The following IGSF9B variants were observed in gnomAD, a reference collection of about 807,000 sequenced individuals.
The protein encoded by IGSF9B is immunoglobulin superfamily member 9B, also known as protein turtle homolog B.
In IGSF9B, 48 loss-of-function variants were observed where a neutral mutation model predicts 143.7. The ratio of observed to expected loss-of-function variants is 0.33; its 90% CI spans 0.26 to 0.42. The LOEUF (loss-of-function observed/expected upper bound fraction) is 0.42, where lower values mean the gene tolerates loss of function less well. IGSF9B is among the 20% of genes least tolerant of loss of function. IGSF9B has a pLI of 1.00. For missense variants in IGSF9B, 1,706 were observed against 1,980.0 expected, an observed-to-expected ratio of 0.86 and a Z score of 2.63; for synonymous variants, 903 against 833.1, an observed-to-expected ratio of 1.08 and a Z score of -1.44.
chr11:133,950,299 G>A (rs1204616683), intron 1 of IGSF9B, among the ~76,000 whole-genome samples: 1 of 152,232 alleles, frequency 6.6e-6, no homozygotes, highest in Non-Finnish European at 1.5e-5. Context: ...AGCAGGGCCG[G>A]GCGAGCATCA....
Position 133,909,005 on chromosome 11 carries a change from C to T in IGSF9B, c.*64G>A. 2 of 1,377,250 alleles carry T rather than the reference C, an allele frequency of 1.5e-6. No homozygotes were observed. The highest frequency in any genetic ancestry group is 9.9e-7 in the Non-Finnish European group (1 of 1,007,872). The allele number at this position is 1,377,250 out of a possible 1,614,324, so 85.3% of individuals were successfully genotyped here. A position where few individuals can be genotyped will look rare whatever the true frequency, so the allele number is the denominator to read the frequency against. ...GCAGACGGAGGAGGACACACCCCCA[C>T]ACAGTGGCCCTCCCTGCCTGAGCCC... On this transcript the variant is annotated 3_prime_UTR_variant, in exon 20 of 20. Coordinates refer to ENST00000533871, the MANE Select transcript of IGSF9B (RefSeq NM_001277285.4). The surrounding 1 kb of genome is among the most constrained non-coding windows in gnomAD (Gnocchi z 4.2).
chr11:133,937,249 G>A (rs1430609089), intron 5 of IGSF9B, 127 bp downstream of exon 5: 1 of 658,692 alleles, frequency 1.5e-6, no homozygotes, highest in African/African-American at 1.8e-5. Flanking sequence ...CCCCGCACAG[G>A]TCCTCATGGC....
At chr11:133,926,667 A>G (rs1939631974) in intron 13 of IGSF9B, among the ~76,000 whole-genome samples, 2 of 152,236 alleles carry the variant, frequency 1.3e-5, no homozygotes, top group African/African-American at 4.8e-5. Flanking sequence ...TGACAAGGAA[A>G]GAGAAAATTC....
At chr11:133,924,751 A>C in intron 15 of IGSF9B, 69 bp downstream of exon 15, 1 of 1,309,224 alleles carries the variant, frequency 7.6e-7, no homozygotes, top group Non-Finnish European at 1.1e-6. Context: ...GCCATTTCAC[A>C]AAATGACCCC....
intron 3 of IGSF9B, among the ~76,000 whole-genome samples, chr11:133,942,790 T>G (rs897011283): frequency 2.0e-5 from 3 of 152,134 alleles, no homozygotes; most frequent in Admixed American, 6.5e-5. Flanking sequence ...ACTCAAAAGC[T>G]TACCAGGTGG....
rs1940269943 is a variant in IGSF9B at position 133,956,947 on chromosome 11, C to G, written c.-193G>C. On this transcript the variant is annotated 5_prime_UTR_variant, in exon 1 of 20. Coordinates refer to ENST00000533871, the MANE Select transcript of IGSF9B (RefSeq NM_001277285.4). ...CGGCTCGGCGCGCGCCTCCCCGGCC[C>G]CGGCGCAGCGGCACCTGCACTACTC... 2.6e-6 allele frequency: 1 copy of G among 380,534 alleles called. No individual in the cohort carries two copies. 23.6% of individuals were successfully genotyped at this position (380,534 alleles called of 1,614,324 possible). A position where few individuals can be genotyped will look rare whatever the true frequency, so the allele number is the denominator to read the frequency against.
Position 133,931,424 on chromosome 11 carries a change from G to T in IGSF9B, c.1368+29C>A. The T allele has an allele frequency of 6.5e-7, 1 of 1,534,028 alleles. No homozygotes were observed. Among genetic ancestry groups the T allele is most frequent in the Non-Finnish European group, 9.0e-7 (1 of 1,110,492 alleles). Reference sequence around the variant, plus strand: ...GCTCCCTGGGCCCTCACACCTCCCTGCAGACCCAGGGCTCCAGGGCCCAGG... The same window carrying T: ...GCTCCCTGGGCCCTCACACCTCCCTTCAGACCCAGGGCTCCAGGGCCCAGG... On this transcript the variant is annotated intron_variant, in intron 10 of 19. Coordinates refer to ENST00000533871, the MANE Select transcript of IGSF9B (RefSeq NM_001277285.4). This position sits in a 1 kb window ranked among gnomAD's most constrained non-coding sequence, Gnocchi z 7.7.
At chr11:133,929,824 G>A in intron 11 of IGSF9B, 42 bp from the exon 12 acceptor site, 7 of 1,407,320 alleles carry the variant, frequency 5.0e-6, no homozygotes, top group Non-Finnish European at 7.0e-6. Flanking sequence ...AAAGAACTCA[G>A]CCACGTGGCT....
At chr11:133,934,289 C>A (rs1228779246) in intron 7 of IGSF9B, among the ~76,000 whole-genome samples, 2 of 152,226 alleles carry the variant, frequency 1.3e-5, no homozygotes, top group African/African-American at 4.8e-5. Context: ...GCTCCTCCTG[C>A]CCCACCATGG....
chr11:133,907,609 G>A lies in IGSF9B; in HGVS notation c.*1460C>T, dbSNP rs1479695323. On this transcript the variant is annotated 3_prime_UTR_variant, in exon 20 of 20. Coordinates refer to ENST00000533871, the MANE Select transcript of IGSF9B (RefSeq NM_001277285.4). ...CCTTGGGCAGCACCATATCTTACCG[G>A]CAGAGAGACATCTTAGTGGGAAGAT... Among the ~76,000 whole-genome samples, 2 of 152,242 alleles carry A rather than the reference G, an allele frequency of 1.3e-5. No individual in the cohort carries two copies. Among genetic ancestry groups the A allele is most frequent in the South Asian group, 4.1e-4 (2 of 4,836 alleles).
intron 1 of IGSF9B, among the ~76,000 whole-genome samples, chr11:133,947,278 G>C (rs554919739): frequency 3.9e-5 from 6 of 152,324 alleles, no homozygotes; most frequent in Admixed American, 2.0e-4. Flanking sequence ...TGCCAGGCAG[G>C]GCCAGGGAGG....
At chr11:133,935,028 A>G (rs1939797016) in intron 7 of IGSF9B, among the ~76,000 whole-genome samples, 1 of 152,238 alleles carries the variant, frequency 6.6e-6, no homozygotes, top group African/African-American at 2.4e-5. Context: ...AAAGATCAGC[A>G]AGCTGAATGG....
At position 133,906,260 on chromosome 11, in the gene IGSF9B, C is replaced by A. The variant is rs1401838550; in HGVS notation, c.*2809G>T. On this transcript the variant is annotated 3_prime_UTR_variant, in exon 20 of 20. Transcript: ENST00000533871. The stretch of plus-strand genomic sequence containing the variant: ...AACCACGCTGTCACACATGCCCACA[C>A]CCAGCACCTAAACTTGTGCCTGTGA... Among the ~76,000 whole-genome samples the A allele has an allele frequency of 2.0e-5, 3 of 152,238 alleles. No individual in the cohort carries two copies. The highest frequency in any genetic ancestry group is 4.4e-5 in the Non-Finnish European group (3 of 68,036).
chr11:133,918,367 A>G (rs1031007191), intron 18 of IGSF9B, among the ~76,000 whole-genome samples: 4 of 152,128 alleles, frequency 2.6e-5, no homozygotes, highest in African/African-American at 9.7e-5. Context: ...ACGCACACCC[A>G]GAGGGAAGCA....
rs760388461 is a variant in IGSF9B, at chr11:133,911,890, T to C, written c.4101A>G (p.Arg1367=). 107 of 1,528,026 alleles carry C rather than the reference T, an allele frequency of 7.0e-5. No homozygotes were observed. The highest frequency in any genetic ancestry group is 2.0e-5 in the Admixed American group (1 of 48,910). 94.7% of individuals were successfully genotyped at this position (1,528,026 alleles called of 1,614,324 possible). Residue 1367 remains arginine (R), a synonymous_variant, in exon 19 of 20, where the codon CGA becomes CGG. Coordinates refer to ENST00000533871, the MANE Select transcript of IGSF9B (RefSeq NM_001277285.4). ...SSKGSSKSKK[R]SDDSASQTQQ... ...GGGCCACTGCCCATCATTTACCGGATCGTTTCTTTGACTTCGAAGAGCCCT... is the reference window on the plus strand; with the variant it reads ...GGGCCACTGCCCATCATTTACCGGACCGTTTCTTTGACTTCGAAGAGCCCT...
At position 133,901,450 on chromosome 11, in the gene IGSF9B, G is replaced by A. The variant is rs575746796; in HGVS notation, c.*7619C>T. ...AGGTGTTCTTTATATTTATATATGT[G>A]TGCAGAGGGCACGGGCCCCTGCCCA... On this transcript the variant is annotated 3_prime_UTR_variant, in exon 20 of 20. Transcript: ENST00000533871. The A allele has an allele frequency of 3.9e-5, 6 of 152,158 alleles. No individual in the cohort carries two copies. The East Asian group carries it at 1.2e-3, about 29-fold the overall frequency. The allele number at this position is 152,158 out of a possible 1,614,324, so 9.4% of individuals were successfully genotyped here.
intron 1 of IGSF9B, chr11:133,951,816 C>T (rs564977870): frequency 6.8e-5 from 13 of 191,828 alleles, no homozygotes; most frequent in East Asian, 3.1e-4. Flanking sequence ...GGCTGGGCTC[C>T]GTGGTAAGAT....
At chr11:133,954,455 C>T (rs1446516710) in intron 1 of IGSF9B, among the ~76,000 whole-genome samples, 1 of 152,106 alleles carries the variant, frequency 6.6e-6, no homozygotes, top group African/African-American at 2.4e-5. Flanking sequence ...ACATTCTCAG[C>T]TCCTAGTGCC....
chr11:133,955,570 G>C (rs1211935827), intron 1 of IGSF9B, among the ~76,000 whole-genome samples: 1 of 152,156 alleles, frequency 6.6e-6, no homozygotes, highest in Non-Finnish European at 1.5e-5. Context: ...ACCCACAGCG[G>C]GTTCTCTCCC....
Sources: gnomAD v4.1 joint callset for allele counts (sites outside exome capture counted in the v4.1 genomes callset) on GRCh38, gnomAD v4.1.1 for gene constraint, Gnocchi (gnomAD v3.1) non-coding constraint, MANE v1.5 for transcripts, NCBI Gene and HGNC (gene_info 2026-07-23, HGNC 2026-07-21) for gene names.